Variants in ASCC3 observed in about 807,000 individuals in gnomAD.
ASCC3 encodes activating signal cointegrator 1 complex subunit 3.
A neutral mutation model predicts 256.3 loss-of-function variants in ASCC3; 158 were observed. The ratio of observed to expected loss-of-function variants is 0.62; its 90% CI spans 0.54 to 0.70. ASCC3 has a LOEUF of 0.70. Among genes scored for constraint, ASCC3 ranks in the 30% least tolerant of loss-of-function variants. The pLI is 0.00. For missense variants in ASCC3, 2,259 were observed against 2,626.0 expected, an observed-to-expected ratio of 0.86 and a Z score of 3.05; for synonymous variants, 948 against 883.4, an observed-to-expected ratio of 1.07 and a Z score of -1.30.
At chr6:100,792,088 T>C (rs1769375539) in intron 8 of ASCC3, among the ~76,000 whole-genome samples, 1 of 151,928 alleles carries the variant, frequency 6.6e-6, no homozygotes, top group Non-Finnish European at 1.5e-5. Context: ...CTAGGTTTTC[T>C]GCAGCCAGAA....
At chr6:100,788,124 A>G (rs1328924034) in intron 8 of ASCC3, among the ~76,000 whole-genome samples, 3 of 152,028 alleles carry the variant, frequency 2.0e-5, no homozygotes, top group African/African-American at 7.2e-5. Context: ...AAATTCATTA[A>G]CAGGAAAACA....
intron 28 of ASCC3, 56 bp from the exon 29 acceptor site, chr6:100,627,766 G>T: frequency 6.2e-7 from 1 of 1,607,172 alleles, no homozygotes; most frequent in Non-Finnish European, 8.5e-7. Context: ...ATTTTATAAG[G>T]TTATAATATC....
chr6:100,830,802 C>A (rs2114456699), intron 4 of ASCC3, among the ~76,000 whole-genome samples: 1 of 152,234 alleles, frequency 6.6e-6, no homozygotes, highest in East Asian at 1.9e-4. Flanking sequence ...AATGCATAAG[C>A]AACTAAGTTA....
At chr6:100,814,059 T>C (rs910914060) in intron 4 of ASCC3, among the ~76,000 whole-genome samples, 2 of 152,194 alleles carry the variant, frequency 1.3e-5, no homozygotes, top group Non-Finnish European at 2.9e-5. Flanking sequence ...CAATTCGGTA[T>C]GATCTTGGCT....
intron 4 of ASCC3, among the ~76,000 whole-genome samples, chr6:100,827,772 A>AAAC (rs1771392995): frequency 6.6e-6 from 1 of 152,164 alleles, no homozygotes; most frequent in African/African-American, 2.4e-5. Context: ...CTAAAATTAT[A>AAAC]AACATATTAA....
chr6:100,514,763 G>T (rs989019025), intron 39 of ASCC3, among the ~76,000 whole-genome samples: 5 of 152,090 alleles, frequency 3.3e-5, no homozygotes, highest in Non-Finnish European at 5.9e-5. Context: ...TATTTAATTA[G>T]CAGCCAAATC....
chr6:100,554,151 A>C (rs1769445912), intron 36 of ASCC3, among the ~76,000 whole-genome samples: 1 of 152,214 alleles, frequency 6.6e-6, no homozygotes, highest in South Asian at 2.1e-4. Context: ...AGATTTGTTA[A>C]AATAAGAAAC....
At chr6:100,832,679 T>A (rs996423030) in intron 4 of ASCC3, among the ~76,000 whole-genome samples, 1 of 151,942 alleles carries the variant, frequency 6.6e-6, no homozygotes, top group African/African-American at 2.4e-5. Context: ...TAAAACAAAT[T>A]TAAGAGTATG....
At chr6:100,854,075 T>C (rs1441174071) in intron 3 of ASCC3, among the ~76,000 whole-genome samples, 2 of 151,674 alleles carry the variant, frequency 1.3e-5, no homozygotes, top group African/African-American at 4.9e-5. Flanking sequence ...ATCTTGCTAA[T>C]ATTTTCCTCA....
intron 36 of ASCC3, among the ~76,000 whole-genome samples, chr6:100,542,348 T>C (rs1053789668): frequency 2.0e-5 from 3 of 152,168 alleles, no homozygotes; most frequent in African/African-American, 7.2e-5. Flanking sequence ...AATAATGCCA[T>C]AAGGCAACAG....
At chr6:100,793,468 T>C (rs998064949) in intron 8 of ASCC3, among the ~76,000 whole-genome samples, 13 of 152,104 alleles carry the variant, frequency 8.5e-5, no homozygotes, top group Admixed American at 2.6e-4. Context: ...ATCAGAACCA[T>C]GGCCTTGAAA....
intron 36 of ASCC3, 118 bp downstream of exon 36, chr6:100,589,516 T>C: frequency 8.2e-7 from 1 of 1,225,016 alleles, no homozygotes; most frequent in Non-Finnish European, 1.2e-6. Context: ...TGTAGTGACC[T>C]TGTTTGACAG....
At chr6:100,766,090 C>A (rs529450685) in intron 10 of ASCC3, among the ~76,000 whole-genome samples, 1 of 151,954 alleles carries the variant, frequency 6.6e-6, no homozygotes, top group Non-Finnish European at 1.5e-5. Context: ...TCATTCATTT[C>A]GTCTAATATA....
rs1268299437 is a variant in ASCC3 at position 100,606,944 on chromosome 6, A to T, written c.4923+7T>A. The T allele has an allele frequency of 1.9e-6, 3 of 1,613,140 alleles. No individual in the cohort carries two copies. The highest frequency in any genetic ancestry group is 1.1e-5 in the South Asian group (1 of 90,954). On this transcript the variant is annotated splice_region_variant and intron_variant, in intron 31 of 41. Transcript: ENST00000369162. The stretch of plus-strand genomic sequence containing the variant: ...TAAATATGTGTTCACTGGAGAAAAA[A>T]AAGTACCTGAACTTTACAGTTTACA...
chr6:100,679,704 A>T lies in ASCC3; in HGVS notation c.2200T>A (p.Ser734Thr), dbSNP rs1777199252. Residue 734 changes from serine (S) to threonine (T), a missense_variant, in exon 14 of 42, where the codon TCT becomes ACT. Transcript: ENST00000369162. ...CAATTTTTTGCTCTTTCTATTAGAGACATAGCTGTTCTTACAGTGGCATTT... is the reference window on the plus strand; with the variant it reads ...CAATTTTTTGCTCTTTCTATTAGAGTCATAGCTGTTCTTACAGTGGCATTT... ...ARNATVRTAM[S>T]LIERAKNCGH... 1.9e-6 allele frequency: 3 copies of T among 1,613,738 alleles called. No individual in the cohort carries two copies. In the East Asian group the frequency reaches 6.7e-5, roughly 36 times the overall value.
chr6:100,558,814 T>C (rs1191997249), intron 36 of ASCC3, among the ~76,000 whole-genome samples: 3 of 152,168 alleles, frequency 2.0e-5, no homozygotes, highest in Non-Finnish European at 1.5e-5. Context: ...TTTCATTCCA[T>C]ATTATGTCCT....
rs181963121 is a variant in ASCC3 at position 100,754,578 on chromosome 6, A to G, written c.1737+11987T>C. On this transcript the variant is annotated intron_variant, in intron 10 of 41. Coordinates refer to ENST00000369162, the MANE Select transcript of ASCC3 (RefSeq NM_006828.4). ...GGTCTTATTCATTGTACCCTTTAACATCGCCACCTCCCCATACCCACCCTA... is the reference window on the plus strand; with the variant it reads ...GGTCTTATTCATTGTACCCTTTAACGTCGCCACCTCCCCATACCCACCCTA... Among the ~76,000 whole-genome samples, 39 of 152,274 alleles carry G rather than the reference A, an allele frequency of 2.6e-4. No individual in the cohort carries two copies. In the East Asian group the frequency reaches 7.3e-3, roughly 29 times the overall value.
intron 37 of ASCC3, among the ~76,000 whole-genome samples, chr6:100,530,097 A>G (rs1774793964): frequency 6.6e-6 from 1 of 152,134 alleles, no homozygotes. Flanking sequence ...TAAATTTGCA[A>G]GCATAGGTTT....
intron 34 of ASCC3, among the ~76,000 whole-genome samples, chr6:100,599,064 T>C (rs1237791785): frequency 1.3e-5 from 2 of 152,142 alleles, no homozygotes; most frequent in African/African-American, 4.8e-5. Flanking sequence ...TTTGGACATG[T>C]TAAAGTGAAA....
Sources: gnomAD v4.1 joint callset for allele counts (sites outside exome capture counted in the v4.1 genomes callset) on GRCh38, gnomAD v4.1.1 for gene constraint, MANE v1.5 for transcripts, NCBI Gene and HGNC (gene_info 2026-07-23, HGNC 2026-07-21) for gene names.